Variants in PADI4 observed in about 807,000 individuals in gnomAD.
The protein encoded by PADI4 is peptidyl arginine deiminase 4.
In PADI4, 62 loss-of-function variants were observed where a neutral mutation model predicts 75.0. That is an observed-to-expected ratio of 0.83 (90% confidence interval 0.67 to 1.02). The LOEUF (loss-of-function observed/expected upper bound fraction) is 1.02, where lower values mean the gene tolerates loss of function less well. Ranked by LOEUF, PADI4 falls within the 50% of genes least tolerant of loss-of-function variation. The probability of loss-of-function intolerance (pLI) is 0.00; values close to 1 mark genes in which losing one functional copy is unlikely to be tolerated. For missense variants in PADI4, 845 were observed against 850.5 expected (o/e 0.99, Z 0.08); for synonymous variants, 361 against 348.1 (o/e 1.04, Z -0.41).
At chr1:17,352,042 AGG>A (rs1557576781) in intron 10 of PADI4, among the ~76,000 whole-genome samples, 5 of 73,600 alleles carry the variant, frequency 6.8e-5, no homozygotes, top group African/African-American at 3.3e-4. Flanking sequence ...ATGGGAGGAG[AGG>A]CAGTCAGGGA....
chr1:17,316,100 G>C (rs568713737), intron 1 of PADI4, among the ~76,000 whole-genome samples: 1 of 151,896 alleles, frequency 6.6e-6, no homozygotes, highest in Non-Finnish European at 1.5e-5. Context: ...CATTTATGTC[G>C]ATAACACTCC....
At chr1:17,353,252 A>G (rs552495890) in intron 10 of PADI4, among the ~76,000 whole-genome samples, 25 of 152,220 alleles carry the variant, frequency 1.6e-4, no homozygotes, top group Non-Finnish European at 2.9e-4. Flanking sequence ...TGAGCCCAGG[A>G]GTTTGAGACC....
At chr1:17,313,336 C>A (rs1434732752) in intron 1 of PADI4, among the ~76,000 whole-genome samples, 1 of 150,832 alleles carries the variant, frequency 6.6e-6, no homozygotes, top group Non-Finnish European at 1.5e-5. Flanking sequence ...CCCATCTCTA[C>A]TAAAAATACA....
chr1:17,354,447 C>A, intron 10 of PADI4, 86 bp from the exon 11 acceptor site: 2 of 1,188,636 alleles, frequency 1.7e-6, no homozygotes, highest in Admixed American at 3.4e-5. Flanking sequence ...TTCCTGTGCC[C>A]AAGTTCATCT....
Position 17,336,139 on chromosome 1 carries a change from C to A in PADI4, c.341-20C>A, listed in dbSNP as rs374275193. 2 of 1,595,998 alleles carry A rather than the reference C, an allele frequency of 1.3e-6. No individual in the cohort carries two copies. Among genetic ancestry groups the A allele is most frequent in the Non-Finnish European group, 1.7e-6 (2 of 1,163,520 alleles). ...CCCCGGACCCTCACCAACCTCTCCT[C>A]TTACTTGATGGGATTTCAGAAATCT... On this transcript the variant is annotated intron_variant, in intron 3 of 15. Coordinates refer to ENST00000375448, the MANE Select transcript of PADI4 (RefSeq NM_012387.3).
chr1:17,316,493 T>G (rs1037842329), intron 1 of PADI4, among the ~76,000 whole-genome samples: 7 of 151,042 alleles, frequency 4.6e-5, no homozygotes, highest in African/African-American at 1.7e-4. Context: ...ATCGAGACCA[T>G]CCTGGCTAAC....
chr1:17,312,043 C>A (rs1320638059), intron 1 of PADI4, among the ~76,000 whole-genome samples: 3 of 152,168 alleles, frequency 2.0e-5, no homozygotes, highest in Non-Finnish European at 2.9e-5. Flanking sequence ...GAGTGTCAAT[C>A]ATTTTCAGAG....
chr1:17,346,238 C>T lies in PADI4; in HGVS notation c.1047+99C>T, dbSNP rs2074514308. On this transcript the variant is annotated intron_variant, in intron 9 of 15. Coordinates refer to ENST00000375448, the MANE Select transcript of PADI4 (RefSeq NM_012387.3). The surrounding 1 kb of genome is among the most constrained non-coding windows in gnomAD (Gnocchi z 4.3). Reference sequence around the variant, plus strand: ...GGGTTCAGCCTGGTGCCTCACCGGCCACTCTTCCTTAGATGGACAGGGAGA... The same window carrying T: ...GGGTTCAGCCTGGTGCCTCACCGGCTACTCTTCCTTAGATGGACAGGGAGA... The T allele has an allele frequency of 1.2e-5, 8 of 692,120 alleles. No homozygotes were observed. The South Asian group carries it at 1.2e-4, about 10-fold the overall frequency. The allele number at this position is 692,120 out of a possible 1,614,324, so 42.9% of individuals were successfully genotyped here.
Position 17,330,989 on chromosome 1 carries a change from C to A in PADI4, c.113C>A (p.Thr38Lys). ...DICSSAPEDC[T>K]SFSINASPGV... ...CACAGCTCTGCCCCTGAGGACTGCA[C>A]GTCCTTCAGCATCAACGCCTCCCCA... Residue 38 changes from threonine (T) to lysine (K), a missense_variant, in exon 2 of 16, where the codon ACG (threonine) becomes AAG (lysine). Coordinates refer to ENST00000375448, the MANE Select transcript of PADI4 (RefSeq NM_012387.3). 6.3e-7 allele frequency: 1 copy of A among 1,589,308 alleles called. No individual in the cohort carries two copies. The highest frequency in any genetic ancestry group is 8.5e-7 in the Non-Finnish European group (1 of 1,170,338).
intron 15 of PADI4, among the ~76,000 whole-genome samples, chr1:17,362,420 T>C (rs1458159356): frequency 6.6e-6 from 1 of 150,612 alleles, no homozygotes; most frequent in African/African-American, 2.4e-5. Flanking sequence ...GGAGGCATTA[T>C]CCTAAGTGAA....
Position 17,331,021 on chromosome 1 carries a change from GT to G in PADI4, c.146del (p.Val49AlafsTer26). 2 of 1,607,360 alleles carry G rather than the reference GT, an allele frequency of 1.2e-6. No homozygotes were observed. The highest frequency in any genetic ancestry group is 1.7e-6 in the Non-Finnish European group (2 of 1,177,074). On this transcript the variant is annotated frameshift_variant, in exon 2 of 16. Coordinates refer to ENST00000375448, the MANE Select transcript of PADI4 (RefSeq NM_012387.3). LOFTEE classifies it high-confidence loss of function. Reference sequence around the variant, plus strand: ...CAGCATCAACGCCTCCCCAGGGGTGGTCGTGGATATTGCCCACGGCCCTCCA... The same window carrying G: ...CAGCATCAACGCCTCCCCAGGGGTGGCGTGGATATTGCCCACGGCCCTCCA... ...SFSINASPGVVVDIAHGPPAK... is the reference protein window; with the variant it reads ...SFSINASPGVXVDIAHGPPAK...
intron 1 of PADI4, among the ~76,000 whole-genome samples, chr1:17,322,920 A>G (rs188663792): frequency 3.6e-4 from 55 of 152,078 alleles, no homozygotes; most frequent in African/African-American, 1.2e-3. Flanking sequence ...TTGTCCCAAA[A>G]CTTAGTGGCT....
intron 1 of PADI4, among the ~76,000 whole-genome samples, chr1:17,310,432 C>A (rs546188644): frequency 6.6e-6 from 1 of 152,148 alleles, no homozygotes; most frequent in Non-Finnish European, 1.5e-5. Context: ...GAGCAGCCAT[C>A]GGCCTCTTCC....
chr1:17,350,202 C>T (rs1378244770), intron 10 of PADI4, among the ~76,000 whole-genome samples: 3 of 129,184 alleles, frequency 2.3e-5, no homozygotes, highest in African/African-American at 5.0e-5. Flanking sequence ...CGCTGTCCAT[C>T]GGGCAGCTGG....
intron 8 of PADI4, among the ~76,000 whole-genome samples, chr1:17,343,389 C>T (rs561980838): frequency 2.7e-4 from 41 of 152,232 alleles, no homozygotes; most frequent in African/African-American, 8.7e-4. Context: ...AGGAGACCCT[C>T]TCCTCCCCTC....
At position 17,363,771 on chromosome 1, in the gene PADI4, C is replaced by A. The variant is rs765538143; in HGVS notation, c.*16C>A. ...GGTGCCCTGAGCCCATCTTCCCTGGCGTCCTCTCCCTCCTGGCCAGATGTC... is the reference window on the plus strand; with the variant it reads ...GGTGCCCTGAGCCCATCTTCCCTGGAGTCCTCTCCCTCCTGGCCAGATGTC... On this transcript the variant is annotated 3_prime_UTR_variant, in exon 16 of 16. Coordinates refer to ENST00000375448, the MANE Select transcript of PADI4 (RefSeq NM_012387.3). 1 of 1,560,044 alleles carries A rather than the reference C, an allele frequency of 6.4e-7. No homozygotes were observed. The highest frequency in any genetic ancestry group is 2.2e-5 in the East Asian group (1 of 44,476).
intron 8 of PADI4, among the ~76,000 whole-genome samples, chr1:17,344,124 A>G (rs1279661286): frequency 1.3e-5 from 2 of 152,228 alleles, no homozygotes; most frequent in Non-Finnish European, 2.9e-5. Flanking sequence ...GATGGAGATG[A>G]GGAACTTGTT....
intron 11 of PADI4, 135 bp from the exon 12 acceptor site, chr1:17,355,848 T>C: frequency 1.2e-6 from 1 of 803,012 alleles, no homozygotes. Flanking sequence ...GGGGATAAAA[T>C]AAAGGCATTC....
chr1:17,348,214 T>C, intron 10 of PADI4, 166 bp downstream of exon 10: 1 of 515,810 alleles, frequency 1.9e-6, no homozygotes, highest in East Asian at 3.1e-5. Context: ...TTGTTATTTT[T>C]TTATTACCAA....
Sources: allele counts gnomAD v4.1 joint callset (sites outside exome capture counted in the v4.1 genomes callset), GRCh38; gene constraint gnomAD v4.1.1; non-coding constraint Gnocchi (gnomAD v3.1); transcripts MANE v1.5; gene names NCBI Gene and HGNC (gene_info 2026-07-23, HGNC 2026-07-21).